The following RGS17 variants were observed in gnomAD, a reference collection of about 807,000 sequenced individuals.
The protein encoded by RGS17 is regulator of G protein signaling 17, also known as regulator of G-protein signaling 17.
In RGS17, 12 loss-of-function variants were observed where a neutral mutation model predicts 25.5. The ratio of observed to expected loss-of-function variants is 0.47; its 90% confidence interval spans 0.30 to 0.76. The LOEUF is 0.76. RGS17 is among the 30% of genes least tolerant of loss of function. The pLI is 0.07. For synonymous variants in RGS17, 71 were observed against 76.9 expected (o/e 0.92, Z 0.40); for missense variants, 196 against 242.2 (o/e 0.81, Z 1.27).
chr6:153,054,102 ATATATATATATGTG>A (rs1419333491), intron 1 of RGS17, among the ~76,000 whole-genome samples: 2 of 99,218 alleles, frequency 2.0e-5, no homozygotes, highest in Admixed American at 2.3e-4. Flanking sequence ...TTATATATAT[ATATATATATATGTG>A]TATATATATA....
At chr6:153,091,512 A>G (rs1777131021) in intron 1 of RGS17, among the ~76,000 whole-genome samples, 1 of 150,580 alleles carries the variant, frequency 6.6e-6, no homozygotes, top group Non-Finnish European at 1.5e-5. Flanking sequence ...TCACTCTGTC[A>G]CACAGGCTGG....
chr6:153,057,623 T>C (rs1352450826), intron 1 of RGS17, among the ~76,000 whole-genome samples: 2 of 152,176 alleles, frequency 1.3e-5, no homozygotes, highest in African/African-American at 4.8e-5. Context: ...TTTGGGATGA[T>C]TCAAGCACAT....
At chr6:153,065,124 A>G (rs987478753) in intron 1 of RGS17, among the ~76,000 whole-genome samples, 1 of 152,204 alleles carries the variant, frequency 6.6e-6, no homozygotes, top group Non-Finnish European at 1.5e-5. Flanking sequence ...CCATGCCAAC[A>G]GAAATCAAAA....
At chr6:153,029,245 A>G (rs1488760128) in intron 2 of RGS17, among the ~76,000 whole-genome samples, 2 of 152,230 alleles carry the variant, frequency 1.3e-5, no homozygotes. Flanking sequence ...GCAACAGACA[A>G]ATTGTCCTTT....
chr6:153,028,151 T>C (rs1227168437), intron 2 of RGS17, among the ~76,000 whole-genome samples: 1 of 152,128 alleles, frequency 6.6e-6, no homozygotes, highest in African/African-American at 2.4e-5. Flanking sequence ...GAAAAGGACA[T>C]AGAAAACATA....
chr6:153,070,082 C>A (rs1776766129), intron 1 of RGS17, among the ~76,000 whole-genome samples: 1 of 152,038 alleles, frequency 6.6e-6, no homozygotes, highest in South Asian at 2.1e-4. Context: ...GAAGAGTGGG[C>A]AGCAGCTACT....
intron 4 of RGS17, among the ~76,000 whole-genome samples, chr6:153,022,005 C>T (rs1408075340): frequency 2.6e-5 from 4 of 152,072 alleles, no homozygotes; most frequent in Non-Finnish European, 4.4e-5. Context: ...GTCAGGACTT[C>T]GAGGGCAGCC....
At chr6:153,087,171 T>TA (rs1417093523) in intron 1 of RGS17, among the ~76,000 whole-genome samples, 3 of 41,098 alleles carry the variant, frequency 7.3e-5, no homozygotes, top group African/African-American at 2.0e-4. Flanking sequence ...TAATCCCAGC[T>TA]ACTCAGGAGG....
chr6:153,124,323 T>A (rs55959838), intron 1 of RGS17, among the ~76,000 whole-genome samples: 9,591 of 152,268 alleles, frequency 0.063, 407 homozygotes, highest in Admixed American at 0.13. Flanking sequence ...GGTGCTCAAA[T>A]ATGTTTGTAA....
At chr6:153,061,033 C>T (rs1436680874) in intron 1 of RGS17, among the ~76,000 whole-genome samples, 1 of 152,136 alleles carries the variant, frequency 6.6e-6, no homozygotes, top group African/African-American at 2.4e-5. Context: ...GGTTCTCTAA[C>T]AGAGGCCAGA....
intron 1 of RGS17, among the ~76,000 whole-genome samples, chr6:153,129,841 C>T (rs920330327): frequency 6.6e-6 from 1 of 152,208 alleles, no homozygotes; most frequent in Non-Finnish European, 1.5e-5. Flanking sequence ...AGAGTTATGC[C>T]AGGAGCCAGG....
intron 2 of RGS17, among the ~76,000 whole-genome samples, chr6:153,043,124 A>T (rs1776343088): frequency 6.6e-6 from 1 of 152,176 alleles, no homozygotes; most frequent in Non-Finnish European, 1.5e-5. Flanking sequence ...AGCTCCCTGG[A>T]TCATGGATGT....
intron 1 of RGS17, among the ~76,000 whole-genome samples, chr6:153,067,188 C>A (rs1017195282): frequency 1.2e-4 from 18 of 152,018 alleles, no homozygotes; most frequent in African/African-American, 4.1e-4. Flanking sequence ...CCATATATGA[C>A]AGAAACACAG....
intron 1 of RGS17, among the ~76,000 whole-genome samples, chr6:153,063,728 A>G (rs1776668850): frequency 6.6e-6 from 1 of 152,214 alleles, no homozygotes; most frequent in South Asian, 2.1e-4. Context: ...TCCAATTACA[A>G]GAAGGTTATA....
chr6:153,047,182 A>G (rs972105008), intron 1 of RGS17, among the ~76,000 whole-genome samples: 7 of 152,206 alleles, frequency 4.6e-5, no homozygotes, highest in Non-Finnish European at 8.8e-5. Context: ...TTGATTACTC[A>G]AATATTTGCT....
intron 1 of RGS17, among the ~76,000 whole-genome samples, chr6:153,106,320 T>C (rs1777383311): frequency 6.6e-6 from 1 of 151,758 alleles, no homozygotes; most frequent in Non-Finnish European, 1.5e-5. Flanking sequence ...CCTTAAAGGA[T>C]GGTTGGGACT....
At chr6:153,119,543 A>T (rs551093642) in intron 1 of RGS17, among the ~76,000 whole-genome samples, 133 of 152,256 alleles carry the variant, frequency 8.7e-4, no homozygotes, top group South Asian at 2.9e-3. Flanking sequence ...TACAAAAAAA[A>T]TTAGCTGGCT....
Position 153,009,671 on chromosome 6 carries a change from TTGCATTTTAAC to T in RGS17, c.*1892_*1902del, listed in dbSNP as rs560431014. 11 of 152,028 alleles carry T rather than the reference TTGCATTTTAAC, an allele frequency of 7.2e-5. No homozygotes were observed. Among genetic ancestry groups the T allele is most frequent in the Non-Finnish European group, 1.3e-4 (9 of 67,878 alleles). 9.4% of individuals were successfully genotyped at this position (152,028 alleles called of 1,614,324 possible). Reference sequence around the variant, plus strand: ...ATGATTATTATAAATATTTTCTATCTTGCATTTTAACTGCATTTTCATAAATAACGTATTTA... The same window carrying T: ...ATGATTATTATAAATATTTTCTATCTTGCATTTTCATAAATAACGTATTTA... On this transcript the variant is annotated 3_prime_UTR_variant, in exon 5 of 5. Transcript: ENST00000206262.
chr6:153,130,796 G>C lies in RGS17; in HGVS notation c.-26+328C>G, dbSNP rs1425001317. Among the ~76,000 whole-genome samples the C allele has an allele frequency of 1.3e-5, 2 of 152,044 alleles. No homozygotes were observed. Among genetic ancestry groups the C allele is most frequent in the Non-Finnish European group, 2.9e-5 (2 of 67,984 alleles). On this transcript the variant is annotated intron_variant, in intron 1 of 4. Coordinates refer to ENST00000206262, the MANE Select transcript of RGS17 (RefSeq NM_012419.5). The surrounding 1 kb of genome is among the most constrained non-coding windows in gnomAD (Gnocchi z 6.4). ...CGCCCCGCTCTCCGCGGGAACTCTG[G>C]GACCTGGCCGAGCGTTCCCCGGCGG...
Sources: allele counts gnomAD v4.1 joint callset (sites outside exome capture counted in the v4.1 genomes callset), GRCh38; gene constraint gnomAD v4.1.1; non-coding constraint Gnocchi (gnomAD v3.1); transcripts MANE v1.5; gene names NCBI Gene and HGNC (gene_info 2026-07-23, HGNC 2026-07-21).